Variants in NALF1 observed in about 807,000 individuals in gnomAD.
NALF1 encodes the protein NALCN channel auxiliary factor 1, also known as family with sequence similarity 155 member A.
NALF1 carries 3 observed loss-of-function variants against 48.4 expected under a neutral mutation model. The ratio of observed to expected loss-of-function variants is 0.06; its 90% confidence interval spans 0.03 to 0.16. The LOEUF (loss-of-function observed/expected upper bound fraction) is 0.16, where lower values mean the gene tolerates loss of function less well. Ranked by LOEUF, NALF1 falls within the 10% of genes least tolerant of loss-of-function variation. The pLI is 1.00. For missense variants in NALF1, 526 were observed against 571.5 expected, an observed-to-expected ratio of 0.92 and a Z score of 0.81; for synonymous variants, 262 against 245.7, an observed-to-expected ratio of 1.07 and a Z score of -0.62.
chr13:107,646,863 T>C (rs1373447528), intron 1 of NALF1, among the ~76,000 whole-genome samples: 1 of 152,122 alleles, frequency 6.6e-6, no homozygotes, highest in Non-Finnish European at 1.5e-5. Context: ...AAGAAATTCA[T>C]ATGGTGATTC....
chr13:107,835,769 C>G (rs1879871124), intron 1 of NALF1, among the ~76,000 whole-genome samples: 1 of 152,184 alleles, frequency 6.6e-6, no homozygotes, highest in African/African-American at 2.4e-5. Flanking sequence ...GAGGCTTACT[C>G]TGTGCCAGGC....
At chr13:107,852,541 G>A (rs918582173) in intron 1 of NALF1, among the ~76,000 whole-genome samples, 7 of 151,978 alleles carry the variant, frequency 4.6e-5, no homozygotes, top group Non-Finnish European at 2.9e-5. Flanking sequence ...CTTTAATGAC[G>A]CTGGACAATG....
intron 1 of NALF1, among the ~76,000 whole-genome samples, chr13:107,423,010 T>C (rs1020174548): frequency 2.0e-5 from 3 of 152,194 alleles, no homozygotes; most frequent in African/African-American, 4.8e-5. Context: ...GGGAAACCTA[T>C]TGTGACCTTC....
intron 1 of NALF1, among the ~76,000 whole-genome samples, chr13:107,694,909 C>T (rs1258663213): frequency 6.6e-6 from 1 of 152,020 alleles, no homozygotes; most frequent in Non-Finnish European, 1.5e-5. Flanking sequence ...TCTCCTGCCT[C>T]AGCCTCCTGA....
chr13:107,829,898 C>G (rs1879659988), intron 1 of NALF1, among the ~76,000 whole-genome samples: 1 of 152,134 alleles, frequency 6.6e-6, no homozygotes, highest in Non-Finnish European at 1.5e-5. Context: ...TATAACACTT[C>G]CAATTCATGC....
chr13:107,430,065 T>G (rs1484273664), intron 1 of NALF1, among the ~76,000 whole-genome samples: 1 of 152,208 alleles, frequency 6.6e-6, no homozygotes, highest in Non-Finnish European at 1.5e-5. Flanking sequence ...TTAAGAGAGA[T>G]ATCCATTTCT....
intron 1 of NALF1, among the ~76,000 whole-genome samples, chr13:107,709,482 G>A (rs985486827): frequency 1.3e-5 from 2 of 152,200 alleles, no homozygotes. Flanking sequence ...CTCATTGCAT[G>A]CTAACCAACC....
intron 1 of NALF1, among the ~76,000 whole-genome samples, chr13:107,322,099 T>C (rs1173306445): frequency 6.6e-6 from 1 of 152,160 alleles, no homozygotes. Flanking sequence ...GATCTCTGTA[T>C]TTTTCCAGGG....
chr13:107,178,849 T>G (rs1164386837), intron 2 of NALF1, among the ~76,000 whole-genome samples: 4 of 150,862 alleles, frequency 2.7e-5, no homozygotes, highest in South Asian at 2.1e-4. Context: ...GGAGGCTGAG[T>G]CAGGAGAATG....
At chr13:107,432,881 T>C (rs1441547177) in intron 1 of NALF1, among the ~76,000 whole-genome samples, 1 of 152,182 alleles carries the variant, frequency 6.6e-6, no homozygotes, top group Non-Finnish European at 1.5e-5. Flanking sequence ...AATAAACTTA[T>C]ATTCATGGTG....
intron 1 of NALF1, among the ~76,000 whole-genome samples, chr13:107,802,118 T>C (rs997591094): frequency 1.3e-5 from 2 of 152,234 alleles, no homozygotes; most frequent in African/African-American, 2.4e-5. Context: ...TCTTCTCTGA[T>C]AAACAGAAGA....
At chr13:107,696,155 C>T (rs1276044095) in intron 1 of NALF1, among the ~76,000 whole-genome samples, 1 of 152,120 alleles carries the variant, frequency 6.6e-6, no homozygotes, top group Non-Finnish European at 1.5e-5. Context: ...TCTTGGCCTC[C>T]CAAAGTGCTA....
chr13:107,851,341 G>GTTTT (rs34705065), intron 1 of NALF1, among the ~76,000 whole-genome samples: 1 of 143,470 alleles, frequency 7.0e-6, no homozygotes, highest in African/African-American at 2.6e-5. Context: ...CAGATGAACA[G>GTTTT]TTTTTTTTTT....
chr13:107,699,478 T>C (rs1033384965), intron 1 of NALF1, among the ~76,000 whole-genome samples: 2 of 152,162 alleles, frequency 1.3e-5, no homozygotes, highest in Non-Finnish European at 2.9e-5. Flanking sequence ...CTGAAAGGAC[T>C]TTCTCTGTCC....
chr13:107,451,113 C>A (rs77513188), intron 1 of NALF1, among the ~76,000 whole-genome samples: 7 of 152,146 alleles, frequency 4.6e-5, no homozygotes, highest in African/African-American at 1.7e-4. Context: ...GTCGACCCCA[C>A]GTGTCCAGCA....
rs1883080697 is a variant in NALF1 at position 107,362,482 on chromosome 13, G to T, written c.916-151727C>A. Reference sequence around the variant, plus strand: ...GACATCTCTTGATTTGCAGCTGCATGACTCCAATTTATACCACTGTTGTCA... The same window carrying T: ...GACATCTCTTGATTTGCAGCTGCATTACTCCAATTTATACCACTGTTGTCA... On this transcript the variant is annotated intron_variant, in intron 1 of 2. Coordinates refer to ENST00000375915, the MANE Select transcript of NALF1 (RefSeq NM_001080396.3). The surrounding 1 kb of genome is among the most constrained non-coding windows in gnomAD (Gnocchi z 4.6). 6.6e-6 allele frequency among the ~76,000 whole-genome samples: 1 copy of T among 152,106 alleles called. No individual in the cohort carries two copies. Among genetic ancestry groups the T allele is most frequent in the Non-Finnish European group, 1.5e-5 (1 of 68,040 alleles).
At chr13:107,481,674 A>C (rs1885255775) in intron 1 of NALF1, among the ~76,000 whole-genome samples, 4 of 152,124 alleles carry the variant, frequency 2.6e-5, no homozygotes, top group Admixed American at 2.6e-4. Flanking sequence ...AGGATAAGTG[A>C]AAATCCAAGG....
intron 1 of NALF1, among the ~76,000 whole-genome samples, chr13:107,385,188 C>T (rs188687905): frequency 7.9e-4 from 121 of 152,220 alleles, no homozygotes; most frequent in African/African-American, 2.9e-3. Context: ...TTCAGTTAAA[C>T]AATAAGTATT....
Position 107,235,031 on chromosome 13 carries a change from G to T in NALF1, c.916-24276C>A, listed in dbSNP as rs192660389. ...TTCATCCCCATTTAGCCTTCCTTTG[G>T]ATAGGAAAGCCTGAAAATATCCATC... On this transcript the variant is annotated intron_variant, in intron 1 of 2. Transcript: ENST00000375915. Among the ~76,000 whole-genome samples, 5 of 152,186 alleles carry T rather than the reference G, an allele frequency of 3.3e-5. No homozygotes were observed. The East Asian group carries it at 7.7e-4, about 24-fold the overall frequency.
Sources: allele counts gnomAD v4.1 joint callset (sites outside exome capture counted in the v4.1 genomes callset), GRCh38; gene constraint gnomAD v4.1.1; non-coding constraint Gnocchi (gnomAD v3.1); transcripts MANE v1.5; gene names NCBI Gene and HGNC (gene_info 2026-07-23, HGNC 2026-07-21).